The following HDGF variants were observed in gnomAD, a reference collection of about 807,000 sequenced individuals.
HDGF encodes the protein heparin binding growth factor, also known as hepatoma-derived growth factor.
HDGF carries 5 observed loss-of-function variants against 30.0 expected under a neutral mutation model. The observed-to-expected ratio is 0.17, with a 90% CI of 0.09 to 0.35. The LOEUF (loss-of-function observed/expected upper bound fraction) is 0.35. Ranked by LOEUF, HDGF falls within the 10% of genes least tolerant of loss-of-function variation. The pLI, the probability that HDGF is intolerant of heterozygous loss-of-function variation, is 1.00. For missense variants in HDGF, 214 were observed against 302.8 expected, an observed-to-expected ratio of 0.71 and a Z score of 2.18; for synonymous variants, 133 against 112.7, an observed-to-expected ratio of 1.18 and a Z score of -1.14.
intron 1 of HDGF, chr1:156,766,755 C>A (rs1158481260): frequency 6.6e-6 from 1 of 152,280 alleles, no homozygotes; most frequent in African/African-American, 2.4e-5. Context: ...TCGCCCTTTA[C>A]CCCACTGAGC....
intron 1 of HDGF, among the ~76,000 whole-genome samples, chr1:156,765,363 G>A (rs1392121116): frequency 6.6e-6 from 1 of 151,252 alleles, no homozygotes; most frequent in Non-Finnish European, 1.5e-5. Context: ...AAAATGCTTG[G>A]ATTATAGGCG....
chr1:156,762,607 A>G (rs1349405251), intron 1 of HDGF, among the ~76,000 whole-genome samples: 1 of 152,140 alleles, frequency 6.6e-6, no homozygotes, highest in African/African-American at 2.4e-5. Context: ...GCGGTGGCTC[A>G]TGCCTGTAAT....
At position 156,743,682 on chromosome 1, in the gene HDGF, G is replaced by A; in HGVS notation, c.686C>T (p.Ala229Val). ...DEEEEATKED[A>V]EAPGIRDHES... is the part of the protein sequence containing the mutation. ...ATGATCTCTGATGCCTGGGGCCTCA[G>A]CATCTTCCTTGGTAGCCTCTTCCTC... Residue 229 changes from alanine to valine, a missense_variant, in exon 5 of 6, where the codon GCT becomes GTT. Physicochemically the swap from Ala to Val is moderately conservative, Grantham distance 64 (BLOSUM62 0). Coordinates refer to ENST00000357325, the MANE Select transcript of HDGF (RefSeq NM_004494.3). 6.2e-7 allele frequency: 1 copy of A among 1,611,894 alleles called. No individual in the cohort carries two copies. Among genetic ancestry groups the A allele is most frequent in the Admixed American group, 1.7e-5 (1 of 59,712 alleles).
chr1:156,755,340 C>T (rs957760105), upstream of HDGF, among the ~76,000 whole-genome samples: 1 of 152,156 alleles, frequency 6.6e-6, no homozygotes, highest in Non-Finnish European at 1.5e-5. Context: ...AAGGAGCTGA[C>T]AGCAGCGGAG....
At chr1:156,765,599 C>T (rs531867714) in intron 1 of HDGF, among the ~76,000 whole-genome samples, 1 of 145,782 alleles carries the variant, frequency 6.9e-6, no homozygotes, top group Non-Finnish European at 1.5e-5. Flanking sequence ...CTCAGCCTCA[C>T]GAGTAGCTGA....
chr1:156,762,850 C>T (rs1489674188), intron 1 of HDGF, among the ~76,000 whole-genome samples: 2 of 149,616 alleles, frequency 1.3e-5, no homozygotes, highest in African/African-American at 4.9e-5. Context: ...CCAGCCTGGG[C>T]AACAAGAGCG....
At chr1:156,762,120 T>A (rs983203983) in intron 1 of HDGF, among the ~76,000 whole-genome samples, 3 of 151,006 alleles carry the variant, frequency 2.0e-5, no homozygotes, top group African/African-American at 4.9e-5. Context: ...CCAGCCTGGA[T>A]GACAGAGTGA....
At chr1:156,760,262 C>T (rs1356623192) in intron 1 of HDGF, among the ~76,000 whole-genome samples, 2 of 152,238 alleles carry the variant, frequency 1.3e-5, no homozygotes, top group Non-Finnish European at 2.9e-5. Flanking sequence ...CCACACTCTT[C>T]AGCCCTTTCC....
upstream of HDGF, among the ~76,000 whole-genome samples, chr1:156,756,884 C>T (rs1558039285): frequency 6.6e-6 from 1 of 150,648 alleles, no homozygotes. Flanking sequence ...CCTCCACCTC[C>T]TGGGTTTAAG....
intron 1 of HDGF, among the ~76,000 whole-genome samples, chr1:156,747,242 T>A (rs897536198): frequency 5.2e-5 from 1 of 19,386 alleles, no homozygotes; most frequent in Non-Finnish European, 9.3e-5. Flanking sequence ...CCCTCCCCCC[T>A]CCCCCCCGCC....
rs4399146 is a variant in HDGF, at chr1:156,743,766, G to C, written c.602C>G (p.Pro201Arg). 35 of 1,599,474 alleles carry C rather than the reference G, an allele frequency of 2.2e-5. No homozygotes were observed. The highest frequency in any genetic ancestry group is 2.8e-5 in the Non-Finnish European group (33 of 1,172,592). ...CCCCCGGCCAGAGCCGGGCTCAGAG[G>C]GGGTGCTATTCTTTTCCACCTCCAT... ...LPMEVEKNSTPSEPGSGRGPP... is the reference protein window; with the variant it reads ...LPMEVEKNSTRSEPGSGRGPP... The change falls in exon 5 of 6, where the codon CCC becomes CGC. Residue 201 changes from proline to arginine, a missense_variant. Around this residue, in one of 2 missense-constraint regions of HDGF, gnomAD observed 176 missense variants for 211.7 expected, o/e 0.83. Transcript: ENST00000357325.
chr1:156,744,880 C>A, intron 3 of HDGF, 128 bp downstream of exon 3: 1 of 1,130,720 alleles, frequency 8.8e-7, no homozygotes, highest in African/African-American at 1.5e-5. Context: ...TTCCCACCAC[C>A]CTGATTAGCT....
In HDGF at chr1:156,764,081, T is replaced by TTTTGTTTG. The variant is rs56669278; in HGVS notation, n.136+2701_136+2708dup. Among the ~76,000 whole-genome samples the TTTTGTTTG allele has an allele frequency of 1.5e-3, 234 of 150,996 alleles. 2 individuals are homozygous for TTTTGTTTG. The highest frequency in any genetic ancestry group is 5.7e-3 in the East Asian group (29 of 5,130). On this transcript the variant is annotated intron_variant and non_coding_transcript_variant, in intron 1 of 7. Coordinates refer to the HDGF transcript ENST00000465180. Reference sequence around the variant, plus strand: ...TGCCCATGCCCGGCTTTTTTTCTGTTTTTGTTTGTTTGTTTGTTTGTTTTT... The same window carrying TTTTGTTTG: ...TGCCCATGCCCGGCTTTTTTTCTGTTTTTGTTTGTTTGTTTGTTTGTTTGTTTGTTTTT...
At chr1:156,753,639 C>T (rs1001254900), upstream of HDGF, among the ~76,000 whole-genome samples, 28 of 152,304 alleles carry the variant, frequency 1.8e-4, no homozygotes, top group African/African-American at 3.4e-4. Flanking sequence ...CAACCTCTGC[C>T]TCCCGGGTTC....
chr1:156,754,206 G>A (rs553367406), upstream of HDGF, among the ~76,000 whole-genome samples: 4 of 152,312 alleles, frequency 2.6e-5, no homozygotes, highest in African/African-American at 7.2e-5. Context: ...GAGCAACCGC[G>A]CCCGGCCAAC....
At chr1:156,761,810 G>A (rs1027840022) in intron 1 of HDGF, among the ~76,000 whole-genome samples, 1 of 151,398 alleles carries the variant, frequency 6.6e-6, no homozygotes, top group Non-Finnish European at 1.5e-5. Flanking sequence ...AGCCGGGCGT[G>A]GTGGCATGCG....
At chr1:156,747,547 A>C (rs1013640053) in intron 1 of HDGF, 1 of 151,866 alleles carries the variant, frequency 6.6e-6, no homozygotes, top group African/African-American at 2.4e-5. Flanking sequence ...GAGCGCCCCC[A>C]GGGGTTAGAG....
chr1:156,763,109 G>GT (rs1651282298), intron 1 of HDGF, among the ~76,000 whole-genome samples: 1 of 151,980 alleles, frequency 6.6e-6, no homozygotes, highest in Non-Finnish European at 1.5e-5. Flanking sequence ...GTGGGTTTAA[G>GT]TTTTTTCAAA....
intron 1 of HDGF, among the ~76,000 whole-genome samples, chr1:156,750,919 A>G (rs1253718386): frequency 6.6e-6 from 1 of 151,918 alleles, no homozygotes; most frequent in African/African-American, 2.4e-5. Flanking sequence ...ATCCACGAAC[A>G]AACTAGGGGT....
Sources: gnomAD v4.1 joint callset for allele counts (sites outside exome capture counted in the v4.1 genomes callset) on GRCh38, gnomAD v4.1.1 for gene constraint, gnomAD v4.1.1 regional missense constraint, MANE v1.5 for transcripts, NCBI Gene and HGNC (gene_info 2026-07-23, HGNC 2026-07-21) for gene names.